Variants in MYO5B observed in about 807,000 individuals in gnomAD.
MYO5B encodes myosin VB.
In MYO5B, 143 loss-of-function variants were observed where a neutral mutation model predicts 229.3. The observed-to-expected ratio is 0.62, with a 90% CI of 0.54 to 0.72. The LOEUF (loss-of-function observed/expected upper bound fraction) is 0.72. MYO5B is among the 30% of genes least tolerant of loss of function. MYO5B has a pLI of 0.00. For synonymous variants in MYO5B, 918 were observed against 885.2 expected, an observed-to-expected ratio of 1.04 and a Z score of -0.66; for missense variants, 2,321 against 2,331.0, an observed-to-expected ratio of 1.00 and a Z score of 0.09.
At chr18:49,868,108 T>C (rs936617626) in intron 27 of MYO5B, among the ~76,000 whole-genome samples, 1 of 144,414 alleles carries the variant, frequency 6.9e-6, no homozygotes, top group Non-Finnish European at 1.5e-5. Flanking sequence ...AGAAAAATTA[T>C]ATATATAACA....
Position 49,835,363 on chromosome 18 carries a change from G to T in MYO5B, c.5375C>A (p.Ala1792Asp), listed in dbSNP as rs202090244. ...ACTCACCTGGATTGTTCGTATAAAG[G>T]CCACTGTTACCCGTTCTTCAAATTC... Reference protein sequence around the residue: ...LNEFEERVTVAFIRTIQAQLQ... With the variant: ...LNEFEERVTVDFIRTIQAQLQ... The change falls in exon 39 of 40, where the codon GCC becomes GAC. Residue 1792 changes from alanine to aspartate, a missense_variant. Physicochemically the swap from Ala to Asp is moderately radical, Grantham distance 126. Around this residue, in one of 2 missense-constraint regions of MYO5B, gnomAD observed 208 missense variants for 286.3 expected, o/e 0.73. Coordinates refer to ENST00000285039, the MANE Select transcript of MYO5B (RefSeq NM_001080467.3). 1.9e-6 allele frequency: 3 copies of T among 1,610,244 alleles called. No individual in the cohort carries two copies. The highest frequency in any genetic ancestry group is 1.1e-5 in the South Asian group (1 of 90,962).
chr18:49,937,015 T>C lies in MYO5B; in HGVS notation c.1905+230A>G, dbSNP rs1276123843. Among the ~76,000 whole-genome samples the C allele has an allele frequency of 3.9e-5, 6 of 152,144 alleles. No homozygotes were observed. The East Asian group carries it at 5.8e-4, about 15-fold the overall frequency. On this transcript the variant is annotated intron_variant, in intron 15 of 39. Transcript: ENST00000285039. ...CACAGCCCCACCACAGGCGTTAACA[T>C]ACTTATGGAGGCTACGGTCGGCCCC...
chr18:50,054,471 C>A (rs540723120), intron 2 of MYO5B, among the ~76,000 whole-genome samples: 1 of 152,300 alleles, frequency 6.6e-6, no homozygotes, highest in South Asian at 2.1e-4. Context: ...ACTGAGCTAT[C>A]TGAAACAGCA....
chr18:50,057,823 G>T (rs1313263476), intron 1 of MYO5B, among the ~76,000 whole-genome samples: 1 of 152,118 alleles, frequency 6.6e-6, no homozygotes, highest in African/African-American at 2.4e-5. Flanking sequence ...CCTAGGAGCA[G>T]GTTAGAAGCA....
At chr18:49,991,811 C>G (rs1307741723) in intron 6 of MYO5B, among the ~76,000 whole-genome samples, 1 of 151,846 alleles carries the variant, frequency 6.6e-6, no homozygotes, top group African/African-American at 2.4e-5. Flanking sequence ...TATCCCAGAA[C>G]TTAAAGTATA....
intron 3 of MYO5B, 65 bp from the exon 4 acceptor site, chr18:50,037,059 G>T (rs58132038): frequency 3.1e-6 from 5 of 1,590,936 alleles, no homozygotes; most frequent in Non-Finnish European, 4.3e-6. Context: ...TTAGCTCAAG[G>T]CACCCATCCA....
In MYO5B at chr18:50,136,595, A is replaced by G. The variant is rs7242376; in HGVS notation, c.27+58172T>C. Among the ~76,000 whole-genome samples the G allele has an allele frequency of 4.5e-3, 682 of 152,234 alleles. 7 individuals carry two copies. The highest frequency in any genetic ancestry group is 0.015 in the African/African-American group (642 of 41,530). ...TTTTTGGAGGTAGGGTTATGTGTGT[A>G]TATGTGTGTGTACAAACATGCACAG... On this transcript the variant is annotated intron_variant, in intron 1 of 39. Transcript: ENST00000285039.
intron 1 of MYO5B, among the ~76,000 whole-genome samples, chr18:50,178,880 T>C (rs2033033183): frequency 6.6e-6 from 1 of 152,190 alleles, no homozygotes; most frequent in African/African-American, 2.4e-5. Context: ...CAGTCAGATT[T>C]CAGGGATGTT....
chr18:50,080,153 C>A (rs990778761), intron 1 of MYO5B, among the ~76,000 whole-genome samples: 2 of 152,182 alleles, frequency 1.3e-5, no homozygotes, highest in Admixed American at 6.5e-5. Flanking sequence ...AACAACCCAT[C>A]AACCAGTACC....
chr18:49,969,632 C>T (rs148826821), intron 10 of MYO5B: 10 of 152,240 alleles, frequency 6.6e-5, no homozygotes, highest in East Asian at 3.9e-4. Flanking sequence ...CACCCTCCAC[C>T]GTTAACAACA....
At chr18:49,937,186 T>G in intron 15 of MYO5B, 59 bp downstream of exon 15, 1 of 1,600,040 alleles carries the variant, frequency 6.2e-7, no homozygotes, top group Non-Finnish European at 8.6e-7. Flanking sequence ...ATCCTTCATC[T>G]ACAGAGAGGC....
chr18:50,158,248 CAAGT>C (rs1568128119), intron 1 of MYO5B, among the ~76,000 whole-genome samples: 1 of 152,128 alleles, frequency 6.6e-6, no homozygotes, highest in Non-Finnish European at 1.5e-5. Context: ...CACAGATACT[CAAGT>C]AATTATGGCA....
At chr18:50,166,124 C>T (rs891382638) in intron 1 of MYO5B, among the ~76,000 whole-genome samples, 6 of 152,156 alleles carry the variant, frequency 3.9e-5, no homozygotes, top group East Asian at 3.9e-4. Flanking sequence ...ATTGAGCAGG[C>T]GGGGGTTCTC....
chr18:50,163,891 T>C (rs1482815115), intron 1 of MYO5B, among the ~76,000 whole-genome samples: 1 of 152,184 alleles, frequency 6.6e-6, no homozygotes, highest in African/African-American at 2.4e-5. Context: ...CAAATGACAG[T>C]TCAGGTGACT....
chr18:49,898,155 T>C (rs1417989116), intron 21 of MYO5B, among the ~76,000 whole-genome samples: 1 of 152,228 alleles, frequency 6.6e-6, no homozygotes, highest in Non-Finnish European at 1.5e-5. Context: ...AAATCTATGA[T>C]GTTCACACAA....
At chr18:50,092,854 C>T (rs2031476026) in intron 1 of MYO5B, among the ~76,000 whole-genome samples, 1 of 152,052 alleles carries the variant, frequency 6.6e-6, no homozygotes, top group Non-Finnish European at 1.5e-5. Flanking sequence ...TCCAAAAATA[C>T]TTTTTTCAAA....
chr18:50,003,094 G>A (rs1291705378), intron 4 of MYO5B, among the ~76,000 whole-genome samples: 5 of 152,116 alleles, frequency 3.3e-5, no homozygotes. Context: ...GCTGGAGGTG[G>A]GAGCCGAAGG....
intron 1 of MYO5B, among the ~76,000 whole-genome samples, chr18:50,175,723 TG>T: frequency 6.6e-6 from 1 of 152,302 alleles, no homozygotes; most frequent in Admixed American, 6.5e-5. Flanking sequence ...TACTCAAAGG[TG>T]AAATTCTTAC....
chr18:50,182,233 T>G (rs2033083250), intron 1 of MYO5B, among the ~76,000 whole-genome samples: 3 of 152,222 alleles, frequency 2.0e-5, no homozygotes, highest in African/African-American at 7.2e-5. Flanking sequence ...CGATCTAGTT[T>G]TTCTTCCTGG....
Sources: gnomAD v4.1 joint callset for allele counts (sites outside exome capture counted in the v4.1 genomes callset) on GRCh38, gnomAD v4.1.1 for gene constraint, gnomAD v4.1.1 regional missense constraint, MANE v1.5 for transcripts, NCBI Gene and HGNC (gene_info 2026-07-23, HGNC 2026-07-21) for gene names.